OPCML: variants seen among roughly 807,000 people sequenced by gnomAD.
OPCML encodes opioid-binding protein/cell adhesion molecule.
A neutral mutation model predicts 37.8 loss-of-function variants in OPCML; 13 were observed. The ratio of observed to expected loss-of-function variants is 0.34; its 90% CI spans 0.22 to 0.55. The LOEUF is 0.55. Ranked by LOEUF, OPCML falls within the 20% of genes least tolerant of loss-of-function variation. OPCML has a pLI of 0.91. For synonymous variants in OPCML, 176 were observed against 168.8 expected, an observed-to-expected ratio of 1.04 and a Z score of -0.33; for missense variants, 341 against 435.6, an observed-to-expected ratio of 0.78 and a Z score of 1.93.
At chr11:133,485,442 AG>A (rs956184765) in intron 1 of OPCML, among the ~76,000 whole-genome samples, 3 of 152,194 alleles carry the variant, frequency 2.0e-5, no homozygotes, top group Admixed American at 6.5e-5. Context: ...TGTAATCAAA[AG>A]CTACCCTTTT....
At chr11:133,235,500 AC>A (rs1381092079) in intron 1 of OPCML, among the ~76,000 whole-genome samples, 1 of 152,224 alleles carries the variant, frequency 6.6e-6, no homozygotes, top group East Asian at 1.9e-4. Context: ...AAGGAATCAA[AC>A]ATATTCAACT....
At chr11:132,980,600 A>G (rs1308589560) in intron 1 of OPCML, among the ~76,000 whole-genome samples, 4 of 152,146 alleles carry the variant, frequency 2.6e-5, no homozygotes, top group African/African-American at 9.7e-5. Context: ...CCTTTAGCAA[A>G]TTTAATTTTT....
intron 1 of OPCML, among the ~76,000 whole-genome samples, chr11:133,458,719 GTA>G (rs757577544): frequency 4.5e-4 from 58 of 129,786 alleles, no homozygotes; most frequent in African/African-American, 1.9e-3. Flanking sequence ...GCACGTGTGT[GTA>G]TATATACACA....
chr11:133,496,074 T>C (rs1947780426), intron 1 of OPCML, among the ~76,000 whole-genome samples: 1 of 152,230 alleles, frequency 6.6e-6, no homozygotes, highest in African/African-American at 2.4e-5. Flanking sequence ...AGTTGACTTT[T>C]GTATAATGTG....
At chr11:133,351,511 AT>A (rs1329000998) in intron 1 of OPCML, among the ~76,000 whole-genome samples, 1 of 144,004 alleles carries the variant, frequency 6.9e-6, no homozygotes, top group Non-Finnish European at 1.5e-5. Flanking sequence ...TTGTTAGGTC[AT>A]TGCTACTTCT....
At chr11:133,002,272 G>C (rs1947019240) in intron 1 of OPCML, among the ~76,000 whole-genome samples, 1 of 152,168 alleles carries the variant, frequency 6.6e-6, no homozygotes, top group South Asian at 2.1e-4. Flanking sequence ...GTTCAACAGG[G>C]TAAGGTCACC....
intron 3 of OPCML, among the ~76,000 whole-genome samples, chr11:132,601,666 C>T (rs1937915218): frequency 1.3e-5 from 2 of 152,198 alleles, no homozygotes; most frequent in African/African-American, 4.8e-5. Context: ...ATCCATGAGT[C>T]TCTGATTCCA....
chr11:132,745,580 AAAAGAAAG>A (rs1230655418), intron 2 of OPCML, among the ~76,000 whole-genome samples: 11 of 87,554 alleles, frequency 1.3e-4, no homozygotes, highest in African/African-American at 3.6e-4. Context: ...AAAAAAAAAA[AAAAGAAAG>A]AAAGAAAGAA....
intron 3 of OPCML, among the ~76,000 whole-genome samples, chr11:132,654,177 C>G (rs1372378807): frequency 6.6e-6 from 1 of 152,192 alleles, no homozygotes; most frequent in Non-Finnish European, 1.5e-5. Context: ...CATCCACCCT[C>G]TGGTAATTCA....
In OPCML at chr11:133,024,361, T is replaced by C. The variant is rs1034951219; in HGVS notation, c.62-81351A>G. Reference sequence around the variant, plus strand: ...TTCTTTACAGGTGAAACAGCACACGTGTCCATTGAACTTAACTCATTAGGA... The same window carrying C: ...TTCTTTACAGGTGAAACAGCACACGCGTCCATTGAACTTAACTCATTAGGA... On this transcript the variant is annotated intron_variant, in intron 1 of 7. Transcript: ENST00000524381. 5.1e-6 allele frequency: 5 copies of C among 985,212 alleles called. No homozygotes were observed. In the African/African-American group the frequency reaches 8.7e-5, roughly 17 times the overall value. 61.0% of individuals were successfully genotyped at this position (985,212 alleles called of 1,614,324 possible). A position where few individuals can be genotyped will look rare whatever the true frequency, so the allele number is the denominator to read the frequency against.
At chr11:132,563,750 G>A (rs185767424) in intron 3 of OPCML, among the ~76,000 whole-genome samples, 1,586 of 152,030 alleles carry the variant, frequency 0.01, 7 homozygotes, top group Non-Finnish European at 0.018. Context: ...TTCTTTGAAA[G>A]CACTTATGTA....
At chr11:133,036,776 A>G (rs1013127969) in intron 1 of OPCML, among the ~76,000 whole-genome samples, 5 of 152,270 alleles carry the variant, frequency 3.3e-5, no homozygotes, top group African/African-American at 1.2e-4. Context: ...CATTCAGAAA[A>G]GAACTGGCAG....
intron 3 of OPCML, among the ~76,000 whole-genome samples, chr11:132,594,989 T>A (rs2096490262): frequency 6.6e-6 from 1 of 152,230 alleles, no homozygotes; most frequent in South Asian, 2.1e-4. Flanking sequence ...AAATCAAAAT[T>A]TTAAAATCAT....
chr11:132,455,874 G>A (rs1187130596), intron 4 of OPCML, among the ~76,000 whole-genome samples: 1 of 152,134 alleles, frequency 6.6e-6, no homozygotes, highest in Non-Finnish European at 1.5e-5. Flanking sequence ...AGAAAGCACA[G>A]ACATCAGATG....
chr11:132,647,111 A>G (rs1941190085), intron 3 of OPCML, among the ~76,000 whole-genome samples: 1 of 152,302 alleles, frequency 6.6e-6, no homozygotes, highest in Admixed American at 6.5e-5. Flanking sequence ...TTTAAAAGCT[A>G]TGGAATTGAA....
chr11:132,913,598 G>T (rs1262697950), intron 2 of OPCML, among the ~76,000 whole-genome samples: 1 of 152,034 alleles, frequency 6.6e-6, no homozygotes, highest in Non-Finnish European at 1.5e-5. Context: ...ATTTCACAAG[G>T]CCGACTCTCA....
intron 2 of OPCML, among the ~76,000 whole-genome samples, chr11:132,756,505 G>A (rs1000339645): frequency 1.3e-5 from 2 of 152,168 alleles, no homozygotes; most frequent in East Asian, 3.9e-4. Flanking sequence ...AGGTGCGACT[G>A]TGTTAACATT....
At chr11:132,993,196 G>C (rs1392479843) in intron 1 of OPCML, among the ~76,000 whole-genome samples, 1 of 152,168 alleles carries the variant, frequency 6.6e-6, no homozygotes, top group African/African-American at 2.4e-5. Flanking sequence ...ATGTACGTAG[G>C]TATCTGCCCA....
intron 1 of OPCML, among the ~76,000 whole-genome samples, chr11:133,404,134 A>G (rs7938178): frequency 0.5 from 75,126 of 151,526 alleles, 19,502 homozygotes; most frequent in African/African-American, 0.65. Flanking sequence ...ATCCGGCCTC[A>G]GTCTTCACAC....
Sources: allele counts gnomAD v4.1 joint callset (sites outside exome capture counted in the v4.1 genomes callset), GRCh38; gene constraint gnomAD v4.1.1; transcripts MANE v1.5; gene names NCBI Gene and HGNC (gene_info 2026-07-23, HGNC 2026-07-21).